The following ADORA1 variants were observed in gnomAD, a reference collection of about 807,000 sequenced individuals.
ADORA1 encodes adenosine receptor A1.
In ADORA1, 6 loss-of-function variants were observed where a neutral mutation model predicts 19.9. The ratio of observed to expected loss-of-function variants is 0.30; its 90% CI spans 0.17 to 0.59. The LOEUF is 0.59. Ranked by LOEUF, ADORA1 falls within the 20% of genes least tolerant of loss-of-function variation. The pLI is 0.87. For missense variants in ADORA1, 302 were observed against 439.2 expected (o/e 0.69, Z 2.79); for synonymous variants, 194 against 188.4 (o/e 1.03, Z -0.24).
intron 3 of ADORA1, among the ~76,000 whole-genome samples, chr1:203,162,834 A>T (rs1655412767): frequency 6.6e-6 from 1 of 152,190 alleles, no homozygotes; most frequent in African/African-American, 2.4e-5. Context: ...TTTGTAAATG[A>T]TAAATGTGGT....
intron 3 of ADORA1, among the ~76,000 whole-genome samples, chr1:203,161,493 A>G (rs939245202): frequency 6.6e-6 from 1 of 152,062 alleles, no homozygotes; most frequent in African/African-American, 2.4e-5. Context: ...AACCCAAAGG[A>G]ACGTCTCATT....
In ADORA1 at chr1:203,142,696, G is replaced by A. The variant is rs138627257; in HGVS notation, c.341+13514G>A. ...GTCCCCATGCTGCCTGTTTGTATGT[G>A]GGGAAGAGTGTTGACATGACTCTGC... On this transcript the variant is annotated intron_variant, in intron 3 of 3. Transcript: ENST00000337894. 3.2e-3 allele frequency among the ~76,000 whole-genome samples: 489 copies of A among 152,218 alleles called. 6 individuals carry two copies. The highest frequency in any genetic ancestry group is 0.029 in the Admixed American group (438 of 15,296).
chr1:203,137,798 G>A (rs1654558751), intron 3 of ADORA1, among the ~76,000 whole-genome samples: 1 of 151,976 alleles, frequency 6.6e-6, no homozygotes, highest in African/African-American at 2.4e-5. Context: ...CATTGTATGG[G>A]GCTCCCTCCC....
intron 3 of ADORA1, among the ~76,000 whole-genome samples, chr1:203,156,662 A>G (rs1414044824): frequency 6.6e-6 from 1 of 152,224 alleles, no homozygotes; most frequent in Non-Finnish European, 1.5e-5. Context: ...TCACCTGGAC[A>G]TCTGTCTTAC....
At position 203,159,429 on chromosome 1, in the gene ADORA1, C is replaced by T. The variant is rs147847989; in HGVS notation, c.342-5832C>T. Among the ~76,000 whole-genome samples, 476 of 152,330 alleles carry T rather than the reference C, an allele frequency of 3.1e-3. 5 individuals are homozygous for T. Among genetic ancestry groups the T allele is most frequent in the Non-Finnish European group, 5.4e-3 (370 of 68,034 alleles). ...CGGGCCTTCACCCCTGAGGCTCCTT[C>T]ACACTAGCCCTCTCTTGCCACTCTT... On this transcript the variant is annotated intron_variant, in intron 3 of 3. Coordinates refer to ENST00000337894, the MANE Select transcript of ADORA1 (RefSeq NM_000674.3).
At chr1:203,154,434 G>A (rs961884122) in intron 3 of ADORA1, among the ~76,000 whole-genome samples, 2 of 152,178 alleles carry the variant, frequency 1.3e-5, no homozygotes, top group Non-Finnish European at 2.9e-5. Context: ...TGAAGCAGCC[G>A]AGACACAAAC....
In ADORA1 at chr1:203,167,188, G is replaced by A. The variant is rs1655587213; in HGVS notation, c.*1288G>A. The A allele has an allele frequency of 6.6e-6, 1 of 150,884 alleles. No homozygotes were observed. Among genetic ancestry groups the A allele is most frequent in the African/African-American group, 2.5e-5 (1 of 39,744 alleles). The allele number at this position is 150,884 out of a possible 1,614,324, so 9.3% of individuals were successfully genotyped here. On this transcript the variant is annotated 3_prime_UTR_variant, in exon 4 of 4. Transcript: ENST00000337894. ...CTGGAGCCCCTGTGTGGGAGGGCGA[G>A]GCGGGGGAGCCTGGAGCCCCTGTGT... is the stretch of plus-strand genomic sequence containing the variant.
At chr1:203,161,046 C>T (rs1655349451) in intron 3 of ADORA1, among the ~76,000 whole-genome samples, 1 of 152,192 alleles carries the variant, frequency 6.6e-6, no homozygotes, top group African/African-American at 2.4e-5. Flanking sequence ...ACTTCATTCC[C>T]TCATTTCCAC....
chr1:203,143,848 T>C (rs923520136), intron 3 of ADORA1, among the ~76,000 whole-genome samples: 4 of 152,144 alleles, frequency 2.6e-5, no homozygotes, highest in African/African-American at 9.7e-5. Context: ...CCACAGTCAG[T>C]GTGGAGACAG....
chr1:203,137,144 C>T (rs1012134475), intron 3 of ADORA1, among the ~76,000 whole-genome samples: 14 of 152,148 alleles, frequency 9.2e-5, no homozygotes, highest in South Asian at 6.2e-4. Flanking sequence ...TAGGGTGGTC[C>T]GTGAGGCTTT....
At chr1:203,157,235 C>A (rs1486959750) in intron 3 of ADORA1, among the ~76,000 whole-genome samples, 1 of 152,204 alleles carries the variant, frequency 6.6e-6, no homozygotes, top group East Asian at 1.9e-4. Context: ...CCTATGAAAT[C>A]AAAACAAGTT....
chr1:203,141,611 C>G (rs1262721285), intron 3 of ADORA1, among the ~76,000 whole-genome samples: 1 of 110,422 alleles, frequency 9.1e-6, no homozygotes, highest in Non-Finnish European at 1.7e-5. Context: ...GGTAGAGTCT[C>G]ACTTTGTTGC....
rs188120987 is a variant in ADORA1, at chr1:203,159,750, C to T, written c.342-5511C>T. Among the ~76,000 whole-genome samples, 129 of 152,314 alleles carry T rather than the reference C, an allele frequency of 8.5e-4. No homozygotes were observed. In the Middle Eastern group the frequency reaches 0.01, roughly 12 times the overall value. The stretch of plus-strand genomic sequence containing the variant: ...TATTCCTGAACCCTAACACCTAGAA[C>T]CTGGCACCTGATAGGTGCTCAATGA... On this transcript the variant is annotated intron_variant, in intron 3 of 3. Coordinates refer to ENST00000337894, the MANE Select transcript of ADORA1 (RefSeq NM_000674.3).
Position 203,160,050 on chromosome 1 carries a change from C to T in ADORA1, c.342-5211C>T, listed in dbSNP as rs566727578. Among the ~76,000 whole-genome samples the T allele has an allele frequency of 9.2e-5, 14 of 152,354 alleles. No homozygotes were observed. In the South Asian group the frequency reaches 2.9e-3, roughly 32 times the overall value. Reference sequence around the variant, plus strand: ...CTTTCTCCTGCTCCAAGCTTCCATCCCCCAATCCTCACGTGTTCTCCATCT... The same window carrying T: ...CTTTCTCCTGCTCCAAGCTTCCATCTCCCAATCCTCACGTGTTCTCCATCT... On this transcript the variant is annotated intron_variant, in intron 3 of 3. Coordinates refer to ENST00000337894, the MANE Select transcript of ADORA1 (RefSeq NM_000674.3).
chr1:203,128,524 C>A lies in ADORA1; in HGVS notation c.-58+92C>A. 9.7e-7 allele frequency: 1 copy of A among 1,033,048 alleles called. No homozygotes were observed. Among genetic ancestry groups the A allele is most frequent in the Non-Finnish European group, 1.3e-6 (1 of 766,936 alleles). The allele number at this position is 1,033,048 out of a possible 1,614,324, so 64.0% of individuals were successfully genotyped here. The stretch of plus-strand genomic sequence containing the variant: ...GCGTGTGTCTGTGTGTGCGCGCGCG[C>A]TGGGAGCTGCCTCACACCTGATAAA... On this transcript the variant is annotated intron_variant, in intron 2 of 3. Transcript: ENST00000337894. The surrounding 1 kb of genome is among the most constrained non-coding windows in gnomAD (Gnocchi z 5.9).
chr1:203,158,782 T>G (rs1369613849), intron 3 of ADORA1, among the ~76,000 whole-genome samples: 1 of 152,214 alleles, frequency 6.6e-6, no homozygotes, highest in Non-Finnish European at 1.5e-5. Context: ...AGATTGAGGG[T>G]CTGCATCTGA....
At chr1:203,153,192 G>C (rs1196668525) in intron 3 of ADORA1, among the ~76,000 whole-genome samples, 2 of 152,190 alleles carry the variant, frequency 1.3e-5, no homozygotes, top group African/African-American at 2.4e-5. Context: ...CTGGCAGGGA[G>C]CTCTGCCCTG....
intron 3 of ADORA1, among the ~76,000 whole-genome samples, chr1:203,162,886 C>T (rs1223200757): frequency 6.6e-6 from 1 of 152,122 alleles, no homozygotes; most frequent in Admixed American, 6.5e-5. Context: ...AGGCAGGACA[C>T]CTGGCCCCGT....
intron 3 of ADORA1, among the ~76,000 whole-genome samples, chr1:203,156,479 G>A (rs537176450): frequency 1.3e-5 from 2 of 152,134 alleles, no homozygotes; most frequent in Admixed American, 6.5e-5. Context: ...ACAAAGGAGT[G>A]TCCACTAGCA....
Sources: gnomAD v4.1 joint callset for allele counts (sites outside exome capture counted in the v4.1 genomes callset) on GRCh38, gnomAD v4.1.1 for gene constraint, Gnocchi (gnomAD v3.1) non-coding constraint, MANE v1.5 for transcripts, NCBI Gene and HGNC (gene_info 2026-07-23, HGNC 2026-07-21) for gene names.